The following LGSN variants were observed in gnomAD, a reference collection of about 807,000 sequenced individuals.
The protein encoded by LGSN is lengsin.
A neutral mutation model predicts 19.5 loss-of-function variants in LGSN; 21 were observed. The observed-to-expected ratio is 1.07, with a 90% CI of 0.76 to 1.55. The LOEUF is 1.55. Ranked by LOEUF, LGSN falls within the 40% of genes most tolerant of loss-of-function variation. The pLI is 0.00. For synonymous variants in LGSN, 257 were observed against 215.6 expected (o/e 1.19, Z -1.68); for missense variants, 673 against 608.5 (o/e 1.11, Z -1.12).
At chr6:63,558,046 AT>A in the LGSN span, among the ~76,000 whole-genome samples, 9 of 151,774 alleles carry the variant, frequency 5.9e-5, no homozygotes, top group Non-Finnish European at 1.3e-4. Flanking sequence ...TAATTTTTGT[AT>A]TTTTAGTAGA....
the LGSN span, among the ~76,000 whole-genome samples, chr6:63,358,047 A>G: frequency 6.6e-6 from 1 of 152,208 alleles, no homozygotes; most frequent in African/African-American, 2.4e-5. Flanking sequence ...AGCTTTCTAC[A>G]TATGGCTAGC....
At chr6:63,527,918 T>A in the LGSN span, 1 of 152,178 alleles carries the variant, frequency 6.6e-6, no homozygotes, top group Non-Finnish European at 1.5e-5. Context: ...AGCCTAACAA[T>A]CAGGTCAGGG....
At chr6:63,429,598 T>G in the LGSN span, among the ~76,000 whole-genome samples, 1 of 152,196 alleles carries the variant, frequency 6.6e-6, no homozygotes, top group South Asian at 2.1e-4. Context: ...TAGCCGAGTG[T>G]GGTCGCGGGC....
chr6:63,412,837 GAAGA>G, the LGSN span, among the ~76,000 whole-genome samples: 3,625 of 123,440 alleles, frequency 0.029, 161 homozygotes, highest in African/African-American at 0.12. Flanking sequence ...GGAAAGGAAG[GAAGA>G]AAGGAAGGAA....
the LGSN span, among the ~76,000 whole-genome samples, chr6:63,345,215 TG>T: frequency 6.6e-6 from 1 of 152,202 alleles, no homozygotes; most frequent in East Asian, 1.9e-4. Context: ...ATATATGTTT[TG>T]GGTTGGGTAA....
chr6:63,453,787 G>T, the LGSN span, among the ~76,000 whole-genome samples: 5 of 152,014 alleles, frequency 3.3e-5, no homozygotes, highest in Non-Finnish European at 7.4e-5. Flanking sequence ...CCAAGTAGCT[G>T]GAACTACAGG....
the LGSN span, among the ~76,000 whole-genome samples, chr6:63,517,483 G>A: frequency 7.4e-4 from 112 of 152,166 alleles, no homozygotes; most frequent in African/African-American, 1.9e-3. Context: ...ATGATGCCCC[G>A]TAAAGTGAAA....
chr6:63,554,320 T>C, the LGSN span, among the ~76,000 whole-genome samples: 4 of 152,366 alleles, frequency 2.6e-5, no homozygotes, highest in Admixed American at 1.3e-4. Flanking sequence ...TCTTTTATCA[T>C]AATACTGGGA....
At chr6:63,327,555 C>T in the LGSN span, among the ~76,000 whole-genome samples, 4 of 152,100 alleles carry the variant, frequency 2.6e-5, no homozygotes, top group Admixed American at 1.3e-4. Context: ...ATTGGAGAGT[C>T]GCTGCTGCCA....
the LGSN span, among the ~76,000 whole-genome samples, chr6:63,532,845 G>A: frequency 6.6e-6 from 1 of 152,064 alleles, no homozygotes; most frequent in Non-Finnish European, 1.5e-5. Flanking sequence ...AAAAAAAATA[G>A]TGCACAATAT....
chr6:63,484,083 G>T, the LGSN span, among the ~76,000 whole-genome samples: 17 of 152,122 alleles, frequency 1.1e-4, no homozygotes, highest in African/African-American at 3.9e-4. Context: ...GAGCCCAGGA[G>T]TTCGAGGTTA....
intron 3 of LGSN, among the ~76,000 whole-genome samples, chr6:63,284,611 C>T (rs964297369): frequency 1.3e-5 from 2 of 152,052 alleles, no homozygotes; most frequent in Non-Finnish European, 2.9e-5. Flanking sequence ...AGTTAAAGTG[C>T]CAGTTACTTT....
the LGSN span, among the ~76,000 whole-genome samples, chr6:63,550,878 G>A: frequency 8.5e-5 from 13 of 152,128 alleles, no homozygotes; most frequent in Middle Eastern, 6.8e-3. Context: ...CGCCTGCCTC[G>A]GCCTCCCAAA....
intron 1 of LGSN, among the ~76,000 whole-genome samples, chr6:63,303,975 T>C (rs752047577): frequency 6.6e-5 from 10 of 152,228 alleles, no homozygotes; most frequent in Non-Finnish European, 1.2e-4. Context: ...TTCTCTTCCA[T>C]CGTGAGATTC....
the LGSN span, among the ~76,000 whole-genome samples, chr6:63,364,536 A>C: frequency 6.6e-6 from 1 of 152,192 alleles, no homozygotes; most frequent in African/African-American, 2.4e-5. Context: ...ACAAGACAGA[A>C]AGTTAACAAG....
the LGSN span, among the ~76,000 whole-genome samples, chr6:63,496,440 A>T: frequency 6.6e-6 from 1 of 152,332 alleles, no homozygotes; most frequent in South Asian, 2.1e-4. Context: ...ATAGGCAATT[A>T]AGACAAGGTT....
the LGSN span, among the ~76,000 whole-genome samples, chr6:63,553,474 G>A: frequency 6.6e-6 from 1 of 152,168 alleles, no homozygotes; most frequent in Non-Finnish European, 1.5e-5. Flanking sequence ...CTAAAAATAA[G>A]TTCTTCTTGG....
the LGSN span, among the ~76,000 whole-genome samples, chr6:63,412,767 G>GAAAC: frequency 6.2e-3 from 104 of 16,870 alleles, 1 homozygote; most frequent in Non-Finnish European, 0.011. Context: ...AAGAAAGAAA[G>GAAAC]AAAGGAAGGA....
the LGSN span, among the ~76,000 whole-genome samples, chr6:63,528,892 C>G: frequency 6.6e-6 from 1 of 152,124 alleles, no homozygotes; most frequent in East Asian, 1.9e-4. Context: ...AGTTCAAGAC[C>G]AGCCTGACTA....
Sources: allele counts gnomAD v4.1 joint callset (sites outside exome capture counted in the v4.1 genomes callset), GRCh38; gene constraint gnomAD v4.1.1; transcripts MANE v1.5; gene names NCBI Gene and HGNC (gene_info 2026-07-23, HGNC 2026-07-21).